The following DNAJC11 variants were observed in gnomAD, a reference collection of about 807,000 sequenced individuals.
DNAJC11 encodes the protein dnaJ homolog subfamily C member 11.
DNAJC11 carries 15 observed loss-of-function variants against 78.6 expected under a neutral mutation model. That is an observed-to-expected ratio of 0.19 (90% CI 0.13 to 0.29). DNAJC11 has a LOEUF of 0.29. Among genes scored for constraint, DNAJC11 ranks in the 10% least tolerant of loss-of-function variants. The probability of loss-of-function intolerance (pLI) is 1.00; values close to 1 mark genes in which losing one functional copy is unlikely to be tolerated. For missense variants in DNAJC11, 547 were observed against 709.6 expected (o/e 0.77, Z 2.60); for synonymous variants, 292 against 272.1 (o/e 1.07, Z -0.72).
Position 6,644,652 on chromosome 1 carries a change from C to A in DNAJC11, c.1003G>T (p.Val335Leu). 6.2e-7 allele frequency: 1 copy of A among 1,614,200 alleles called. No homozygotes were observed. The change falls in exon 10 of 16, where the codon GTG becomes TTG. Residue 335 changes from valine (V) to leucine (L), a missense_variant. Physicochemically the swap from Val to Leu is conservative, Grantham distance 32. Coordinates refer to ENST00000377577, the MANE Select transcript of DNAJC11 (RefSeq NM_018198.4). ...ATCTTCCTCTCAGCTCCGTACTCCACCACCGTCCCAAAGAAGCCTGCTCTG... is the reference window on the plus strand; with the variant it reads ...ATCTTCCTCTCAGCTCCGTACTCCAACACCGTCCCAAAGAAGCCTGCTCTG... ...SLKAGFFGTVVEYGAERKISR... is the reference protein window; with the variant it reads ...SLKAGFFGTVLEYGAERKISR...
chr1:6,635,860 C>G (rs1432872682), intron 15 of DNAJC11, among the ~76,000 whole-genome samples, 160 bp from the exon 16 acceptor site: 1 of 152,232 alleles, frequency 6.6e-6, no homozygotes, highest in East Asian at 1.9e-4. Flanking sequence ...ACGTAGAGGT[C>G]TGCTTTCATC....
chr1:6,695,627 T>TAAAAG (rs1642822204), intron 1 of DNAJC11, among the ~76,000 whole-genome samples: 1 of 83,004 alleles, frequency 1.2e-5, no homozygotes, highest in Non-Finnish European at 2.3e-5. Context: ...CTATCTCTAC[T>TAAAAG]AAAAAAAAAA....
At chr1:6,677,177 A>C (rs955210003) in intron 3 of DNAJC11, among the ~76,000 whole-genome samples, 4 of 151,690 alleles carry the variant, frequency 2.6e-5, no homozygotes, top group Non-Finnish European at 5.9e-5. Context: ...AAAAAAAACA[A>C]AAAAAACGAA....
chr1:6,645,818 T>C lies in DNAJC11; in HGVS notation c.865A>G (p.Lys289Glu). 6.2e-7 allele frequency: 1 copy of C among 1,614,174 alleles called. No individual in the cohort carries two copies. Among genetic ancestry groups the C allele is most frequent in the Non-Finnish European group, 8.5e-7 (1 of 1,180,012 alleles). ...AMNTSIVRDT[K>E]TSHFTVALQL... is the part of the protein sequence containing the mutation. ...AGGGCCACAGTGAAGTGGCTGGTTT[T>C]AGTGTCTCGGACGATGCTAGTGTTC... Residue 289 changes from lysine to glutamate, a missense_variant, in exon 8 of 16, where the codon AAA becomes GAA. Coordinates refer to ENST00000377577, the MANE Select transcript of DNAJC11 (RefSeq NM_018198.4). This position sits in a 1 kb window ranked among gnomAD's most constrained non-coding sequence, Gnocchi z 4.1.
At chr1:6,691,639 G>A (rs908366161) in intron 1 of DNAJC11, among the ~76,000 whole-genome samples, 2 of 152,158 alleles carry the variant, frequency 1.3e-5, no homozygotes, top group Non-Finnish European at 2.9e-5. Context: ...CTATTGGCTT[G>A]GCATTTTACT....
chr1:6,650,235 C>T (rs1178924420), intron 7 of DNAJC11, among the ~76,000 whole-genome samples: 1 of 151,626 alleles, frequency 6.6e-6, no homozygotes. Context: ...TATTCTCCAG[C>T]CGGGGTGACA....
chr1:6,655,783 T>TG (rs1424148380), intron 4 of DNAJC11, among the ~76,000 whole-genome samples: 1 of 151,962 alleles, frequency 6.6e-6, no homozygotes, highest in African/African-American at 2.4e-5. Flanking sequence ...CACTCCAGCA[T>TG]GGGTGACAGA....
At chr1:6,692,928 C>T (rs1642769877) in intron 1 of DNAJC11, among the ~76,000 whole-genome samples, 1 of 149,210 alleles carries the variant, frequency 6.7e-6, no homozygotes, top group Admixed American at 6.7e-5. Flanking sequence ...TTTTCTTTGA[C>T]AGAGTCTTGC....
chr1:6,671,486 T>C (rs1642379150), intron 3 of DNAJC11, among the ~76,000 whole-genome samples: 1 of 151,698 alleles, frequency 6.6e-6, no homozygotes, highest in African/African-American at 2.4e-5. Context: ...TCCGCCTGCC[T>C]TGGCCTCCCA....
At chr1:6,648,201 G>A (rs1641996994) in intron 7 of DNAJC11, among the ~76,000 whole-genome samples, 2 of 152,098 alleles carry the variant, frequency 1.3e-5, no homozygotes, top group South Asian at 4.1e-4. Context: ...TGTCGCCCAG[G>A]CTGGAGTGCA....
intron 1 of DNAJC11, among the ~76,000 whole-genome samples, chr1:6,697,140 G>C (rs1199565263): frequency 6.6e-6 from 1 of 152,150 alleles, no homozygotes; most frequent in African/African-American, 2.4e-5. Flanking sequence ...TCTGGCTTTG[G>C]TGTGCCCAGT....
intron 6 of DNAJC11, 97 bp from the exon 7 acceptor site, chr1:6,651,699 C>T: frequency 1.1e-6 from 1 of 875,858 alleles, no homozygotes; most frequent in Non-Finnish European, 1.9e-6. Context: ...TTCCTTCATT[C>T]AATTCACTGG....
rs960133759 is a variant in DNAJC11, at chr1:6,653,577, G to C, written c.507+334C>G. The stretch of plus-strand genomic sequence containing the variant: ...CAGAATTTGCCTTAAAACTAAAACT[G>C]GTTGTTAGAATGATCCATGGAGGTC... On this transcript the variant is annotated intron_variant, in intron 5 of 15. Coordinates refer to ENST00000377577, the MANE Select transcript of DNAJC11 (RefSeq NM_018198.4). The surrounding 1 kb of genome is among the most constrained non-coding windows in gnomAD (Gnocchi z 4.5). 6.6e-6 allele frequency among the ~76,000 whole-genome samples: 1 copy of C among 152,134 alleles called. No homozygotes were observed. Among genetic ancestry groups the C allele is most frequent in the African/African-American group, 2.4e-5 (1 of 41,424 alleles).
At chr1:6,700,289 T>C (rs529827205) in intron 1 of DNAJC11, among the ~76,000 whole-genome samples, 1 of 152,326 alleles carries the variant, frequency 6.6e-6, no homozygotes, top group African/African-American at 2.4e-5. Flanking sequence ...GAACTAATGA[T>C]AATCCCACCA....
rs140381584 is a variant in DNAJC11 at position 6,693,816 on chromosome 1, C to T, written c.72+7913G>A. ...AAACTTCTAGGTTCAAGCAATCCTC[C>T]TGTAACCAAGTACCCCCATTTTTTT... On this transcript the variant is annotated intron_variant, in intron 1 of 15. Coordinates refer to ENST00000377577, the MANE Select transcript of DNAJC11 (RefSeq NM_018198.4). Among the ~76,000 whole-genome samples, 1,010 of 151,338 alleles carry T rather than the reference C, an allele frequency of 6.7e-3. 18 individuals carry two copies. The highest frequency in any genetic ancestry group is 0.023 in the African/African-American group (930 of 41,260).
Position 6,644,673 on chromosome 1 carries a change from C to T in DNAJC11, c.982G>A (p.Ala328Thr). The T allele has an allele frequency of 6.2e-7, 1 of 1,613,768 alleles. No homozygotes were observed. The highest frequency in any genetic ancestry group is 8.5e-7 in the Non-Finnish European group (1 of 1,179,636). ...DQTRVKGSLKAGFFGTVVEYG... is the reference protein window; with the variant it reads ...DQTRVKGSLKTGFFGTVVEYG... ...TCCACCACCGTCCCAAAGAAGCCTG[C>T]TCTGCAGGGAGAGAACGCGGTCTGT... Residue 328 changes from alanine (A) to threonine (T), a missense_variant and splice_region_variant, in exon 10 of 16, where the codon GCA becomes ACA. Physicochemically the swap from Ala to Thr is moderately conservative, Grantham distance 58. Coordinates refer to ENST00000377577, the MANE Select transcript of DNAJC11 (RefSeq NM_018198.4).
intron 3 of DNAJC11, among the ~76,000 whole-genome samples, chr1:6,672,593 A>G (rs1642396879): frequency 6.6e-6 from 1 of 152,212 alleles, no homozygotes; most frequent in African/African-American, 2.4e-5. Context: ...CAAAGCCAAA[A>G]TGGCCAGCCT....
At chr1:6,699,965 T>A (rs979646985) in intron 1 of DNAJC11, among the ~76,000 whole-genome samples, 1 of 152,012 alleles carries the variant, frequency 6.6e-6, no homozygotes, top group Non-Finnish European at 1.5e-5. Flanking sequence ...AGCCATCATA[T>A]CCCCTATGAC....
intron 7 of DNAJC11, among the ~76,000 whole-genome samples, chr1:6,648,845 C>T (rs1363600603): frequency 6.6e-6 from 1 of 152,180 alleles, no homozygotes; most frequent in African/African-American, 2.4e-5. Flanking sequence ...TGCTGTTTCC[C>T]TGCTGTTCTC....
Sources: allele counts gnomAD v4.1 joint callset (sites outside exome capture counted in the v4.1 genomes callset), GRCh38; gene constraint gnomAD v4.1.1; non-coding constraint Gnocchi (gnomAD v3.1); transcripts MANE v1.5; gene names NCBI Gene and HGNC (gene_info 2026-07-23, HGNC 2026-07-21).